FAM193A: variants seen among roughly 807,000 people sequenced by gnomAD.
The protein encoded by FAM193A is family with sequence similarity 193 member A, also known as protein FAM193A.
Under a neutral mutation model 126.5 loss-of-function variants are expected in FAM193A, and 22 were observed. The ratio of observed to expected loss-of-function variants is 0.17; its 90% confidence interval spans 0.12 to 0.25. The LOEUF (loss-of-function observed/expected upper bound fraction) is 0.25, where lower values mean the gene tolerates loss of function less well. Among genes scored for constraint, FAM193A ranks in the 10% least tolerant of loss-of-function variants. The probability of loss-of-function intolerance (pLI) is 1.00; values close to 1 mark genes in which losing one functional copy is unlikely to be tolerated. For synonymous variants in FAM193A, 761 were observed against 646.8 expected, an observed-to-expected ratio of 1.18 and a Z score of -2.68; for missense variants, 1,675 against 1,672.8, an observed-to-expected ratio of 1.00 and a Z score of -0.02.
rs567616416 is a variant in FAM193A, at chr4:2,693,956, C to A, written c.3092+82C>A. 5.0e-6 allele frequency: 7 copies of A among 1,402,872 alleles called. No individual in the cohort carries two copies. In the South Asian group the frequency reaches 7.8e-5, roughly 16 times the overall value. The allele number at this position is 1,402,872 out of a possible 1,614,324, so 86.9% of individuals were successfully genotyped here. A position where few individuals can be genotyped will look rare whatever the true frequency, so the allele number is the denominator to read the frequency against. On this transcript the variant is annotated intron_variant, in intron 16 of 20. Coordinates refer to ENST00000637812, the MANE Select transcript of FAM193A (RefSeq NM_001366318.2). The stretch of plus-strand genomic sequence containing the variant: ...TCACTAACACAGCTACAGAAACTCC[C>A]CTGGGACCATGCAGTGGAAAAGTCT...
chr4:2,648,203 G>C (rs1277026366), intron 7 of FAM193A, among the ~76,000 whole-genome samples: 1 of 152,088 alleles, frequency 6.6e-6, no homozygotes, highest in Non-Finnish European at 1.5e-5. Flanking sequence ...GGCTTTTTTT[G>C]AACCTGCATC....
intron 2 of FAM193A, among the ~76,000 whole-genome samples, chr4:2,596,743 C>CCACAGA (rs1553891362): frequency 8.8e-4 from 134 of 151,658 alleles, no homozygotes; most frequent in African/African-American, 3.1e-3. Context: ...TCAGCCTCTT[C>CCACAGA]GAGGCCACAG....
intron 5 of FAM193A, 27 bp downstream of exon 5, chr4:2,631,196 CT>C (rs1560499634): frequency 6.3e-7 from 1 of 1,579,968 alleles, no homozygotes; most frequent in South Asian, 1.2e-5. Context: ...GTTTTTCTTT[CT>C]GTTTGGATGA....
At chr4:2,676,735 G>A (rs1363409962) in intron 13 of FAM193A, among the ~76,000 whole-genome samples, 2 of 152,102 alleles carry the variant, frequency 1.3e-5, no homozygotes, top group African/African-American at 2.4e-5. Context: ...GAGGTCAGGA[G>A]GTCGAGACCA....
chr4:2,681,651 C>T (rs1248312344), intron 13 of FAM193A, among the ~76,000 whole-genome samples: 3 of 151,742 alleles, frequency 2.0e-5, no homozygotes, highest in East Asian at 1.9e-4. Flanking sequence ...TACGTAGGGA[C>T]GGAGGTCTCA....
chr4:2,731,961 G>A lies in FAM193A; in HGVS notation c.*93G>A. On this transcript the variant is annotated 3_prime_UTR_variant, in exon 21 of 21. Coordinates refer to ENST00000637812, the MANE Select transcript of FAM193A (RefSeq NM_001366318.2). ...CTCGCTGGCGCCCCAGAGCCGTGGT[G>A]CTTGCCAAGGGCTGTGCGGAGCTGG... The A allele has an allele frequency of 1.0e-6, 1 of 973,342 alleles. No individual in the cohort carries two copies. The allele number at this position is 973,342 out of a possible 1,614,324, so 60.3% of individuals were successfully genotyped here. A position where few individuals can be genotyped will look rare whatever the true frequency, so the allele number is the denominator to read the frequency against.
chr4:2,583,131 T>A (rs1218080634), intron 1 of FAM193A, among the ~76,000 whole-genome samples: 3 of 152,118 alleles, frequency 2.0e-5, no homozygotes, highest in African/African-American at 4.8e-5. Context: ...CCCAGCCAAT[T>A]ATTGTATTTT....
chr4:2,548,653 C>G (rs1256040597), intron 1 of FAM193A, among the ~76,000 whole-genome samples: 2 of 151,728 alleles, frequency 1.3e-5, no homozygotes, highest in African/African-American at 4.8e-5. Context: ...GATGGGGTTT[C>G]ACCATATTGG....
At chr4:2,577,290 A>G (rs946280648) in intron 1 of FAM193A, among the ~76,000 whole-genome samples, 13 of 152,018 alleles carry the variant, frequency 8.6e-5, no homozygotes, top group Non-Finnish European at 1.2e-4. Flanking sequence ...GCTTGGGACT[A>G]TTGTGTTCCT....
chr4:2,541,325 T>TC (rs562209332), intron 1 of FAM193A, among the ~76,000 whole-genome samples: 1 of 152,216 alleles, frequency 6.6e-6, no homozygotes, highest in South Asian at 2.1e-4. Context: ...AAAGCGAAAC[T>TC]CTGTCTCAAA....
rs188695031 is a variant in FAM193A, at chr4:2,668,403, A to G, written c.2080-3718A>G. 5.2e-3 allele frequency among the ~76,000 whole-genome samples: 796 copies of G among 151,930 alleles called. 4 individuals carry two copies. The highest frequency in any genetic ancestry group is 0.018 in the African/African-American group (755 of 41,422). ...TAATTTTTGTATTTTTAGTAGAGAC[A>G]ATGTTTTGCCACTTTGGCCAGGCTG... is the stretch of plus-strand genomic sequence containing the variant. On this transcript the variant is annotated intron_variant, in intron 12 of 20. Transcript: ENST00000637812.
At chr4:2,660,770 T>C (rs1313140899) in intron 10 of FAM193A, among the ~76,000 whole-genome samples, 1 of 152,252 alleles carries the variant, frequency 6.6e-6, no homozygotes, top group Non-Finnish European at 1.5e-5. Context: ...CTGACTTGTG[T>C]TCATTCCTTC....
intron 20 of FAM193A, among the ~76,000 whole-genome samples, chr4:2,726,607 T>C (rs189315513): frequency 2.3e-4 from 35 of 151,834 alleles, no homozygotes; most frequent in African/African-American, 8.2e-4. Flanking sequence ...CTTCCTACTG[T>C]TTGTAATTCA....
At chr4:2,669,469 C>T (rs1190226533) in intron 12 of FAM193A, among the ~76,000 whole-genome samples, 2 of 152,044 alleles carry the variant, frequency 1.3e-5, no homozygotes, top group Non-Finnish European at 2.9e-5. Flanking sequence ...ATTAGCCAGG[C>T]GTGCTATCAT....
chr4:2,693,143 C>T (rs1244611419), intron 15 of FAM193A, among the ~76,000 whole-genome samples: 9 of 152,096 alleles, frequency 5.9e-5, no homozygotes, highest in Admixed American at 2.0e-4. Flanking sequence ...ATCAGCCTCC[C>T]GCGTAGCTGG....
chr4:2,591,131 GT>G (rs1740548272), intron 1 of FAM193A, among the ~76,000 whole-genome samples: 1 of 152,058 alleles, frequency 6.6e-6, no homozygotes, highest in Admixed American at 6.6e-5. Context: ...GAATAAAAAA[GT>G]TACCATAGTG....
At chr4:2,632,162 G>A (rs903593280) in intron 5 of FAM193A, among the ~76,000 whole-genome samples, 2 of 152,150 alleles carry the variant, frequency 1.3e-5, no homozygotes, top group South Asian at 4.1e-4. Context: ...AGAGGGCTGA[G>A]CATCAGTTTT....
rs1035719099 is a variant in FAM193A at position 2,660,139 on chromosome 4, T to A, written c.1745+85T>A. 3.6e-6 allele frequency: 5 copies of A among 1,391,946 alleles called. No homozygotes were observed. In the African/African-American group the frequency reaches 5.7e-5, roughly 16 times the overall value. The allele number at this position is 1,391,946 out of a possible 1,614,324, so 86.2% of individuals were successfully genotyped here. A position where few individuals can be genotyped will look rare whatever the true frequency, so the allele number is the denominator to read the frequency against. On this transcript the variant is annotated intron_variant, in intron 10 of 20. Transcript: ENST00000637812. ...ACATACAGTAATGTCCACAGAAGTA[T>A]GAACATCATTATTGTGCTTTTCATG...
At chr4:2,619,922 C>G (rs1048604696) in intron 2 of FAM193A, among the ~76,000 whole-genome samples, 3 of 152,062 alleles carry the variant, frequency 2.0e-5, no homozygotes, top group African/African-American at 7.2e-5. Flanking sequence ...AACACCTGAC[C>G]TCAAGTGATC....
Sources: allele counts gnomAD v4.1 joint callset (sites outside exome capture counted in the v4.1 genomes callset), GRCh38; gene constraint gnomAD v4.1.1; transcripts MANE v1.5; gene names NCBI Gene and HGNC (gene_info 2026-07-23, HGNC 2026-07-21).